The following CFAP74 variants were observed in gnomAD, a reference collection of about 807,000 sequenced individuals.
CFAP74 encodes cilia- and flagella-associated protein 74.
Under a neutral mutation model 188.9 loss-of-function variants are expected in CFAP74, and 124 were observed. The observed-to-expected ratio is 0.66, with a 90% CI of 0.57 to 0.76. The LOEUF is 0.76. Among genes scored for constraint, CFAP74 ranks in the 30% least tolerant of loss-of-function variants. The pLI is 0.00. For missense variants in CFAP74, 2,198 were observed against 2,165.2 expected (o/e 1.02, Z -0.30); for synonymous variants, 956 against 916.7 (o/e 1.04, Z -0.77).
chr1:1,971,123 A>G (rs7367171), intron 9 of CFAP74, among the ~76,000 whole-genome samples: 35,089 of 147,956 alleles, frequency 0.24, 4,524 homozygotes, highest in Non-Finnish European at 0.29. Context: ...ACACATGCTC[A>G]CACGTGCACA....
intron 2 of CFAP74, among the ~76,000 whole-genome samples, chr1:1,989,406 G>A (rs1227913317): frequency 2.6e-5 from 4 of 152,170 alleles, no homozygotes; most frequent in Non-Finnish European, 5.9e-5. Context: ...ACCTGCCTAC[G>A]GCCCCCGAGC....
At position 1,963,248 on chromosome 1, in the gene CFAP74, C is replaced by T. The variant is rs577644487; in HGVS notation, c.1694+501G>A. Among the ~76,000 whole-genome samples the T allele has an allele frequency of 6.6e-4, 101 of 151,966 alleles. 2 individuals carry two copies. The highest frequency in any genetic ancestry group is 6.5e-3 in the Admixed American group (99 of 15,266). On this transcript the variant is annotated intron_variant, in intron 14 of 38. Transcript: ENST00000682832. ...GGTGGACCGCCTGAGGTCAGGAGTT[C>T]GAGACCAGCCTGGGCAACATGGTAA...
At chr1:1,958,380 C>T (rs1654815325) in intron 16 of CFAP74, among the ~76,000 whole-genome samples, 1 of 152,254 alleles carries the variant, frequency 6.6e-6, no homozygotes, top group East Asian at 1.9e-4. Context: ...ATGACGTCCC[C>T]ACTGTCCTCT....
chr1:2,000,247 A>C (rs1658142590), intron 1 of CFAP74, among the ~76,000 whole-genome samples: 1 of 152,266 alleles, frequency 6.6e-6, no homozygotes, highest in Admixed American at 6.5e-5. Context: ...CCATGTAAGG[A>C]ATATCCATGA....
chr1:1,923,279 C>T lies in CFAP74; in HGVS notation c.4522+88G>A, dbSNP rs1018597084. 6 of 1,501,324 alleles carry T rather than the reference C, an allele frequency of 4.0e-6. No individual in the cohort carries two copies. In the African/African-American group the frequency reaches 5.6e-5, roughly 14 times the overall value. The allele number at this position is 1,501,324 out of a possible 1,614,324, so 93.0% of individuals were successfully genotyped here. On this transcript the variant is annotated intron_variant, in intron 36 of 38. Transcript: ENST00000682832. This position sits in a 1 kb window ranked among gnomAD's most constrained non-coding sequence, Gnocchi z 6.3. ...GGGGTAGAAGGCTGGGAATCCCTGC[C>T]CTGCTCCGCTGGGTCTCGGGGCCCC...
chr1:1,990,797 C>A, intron 2 of CFAP74, 93 bp downstream of exon 2: 1 of 914,340 alleles, frequency 1.1e-6, no homozygotes, highest in South Asian at 1.7e-5. Context: ...TACCCTCTCC[C>A]AGAAATAAAG....
chr1:2,001,883 T>TG (rs1658227998), intron 1 of CFAP74, among the ~76,000 whole-genome samples: 1 of 152,184 alleles, frequency 6.6e-6, no homozygotes, highest in Non-Finnish European at 1.5e-5. Flanking sequence ...AATTGGCCCA[T>TG]GACCTTCAGA....
Position 1,954,921 on chromosome 1 carries a change from T to C in CFAP74, c.2176+770A>G, listed in dbSNP as rs1445133275. The C allele has an allele frequency of 4.2e-6, 5 of 1,189,562 alleles. No homozygotes were observed. The African/African-American group carries it at 6.5e-5, about 15-fold the overall frequency. 73.7% of individuals were successfully genotyped at this position (1,189,562 alleles called of 1,614,324 possible). On this transcript the variant is annotated intron_variant, in intron 18 of 38. Transcript: ENST00000682832. ...CAGTGCAGAACGGCCTTCGCAACAG[T>C]GTGTACCACGAACGCTCCCAAGTGT...
intron 24 of CFAP74, 130 bp downstream of exon 24, chr1:1,939,464 G>T: frequency 1.1e-6 from 1 of 888,392 alleles, no homozygotes; most frequent in Non-Finnish European, 1.7e-6. Flanking sequence ...GTGTGGAGGG[G>T]TGCAGCTGAG....
chr1:1,982,365 A>T (rs1656955944), intron 6 of CFAP74, among the ~76,000 whole-genome samples: 2 of 151,786 alleles, frequency 1.3e-5, no homozygotes, highest in Admixed American at 1.3e-4. Context: ...ACACGCGGGG[A>T]CATGCAGGAG....
In CFAP74 at chr1:1,988,561, C is replaced by T. The variant is rs183305704; in HGVS notation, c.247G>A (p.Ala83Thr). 168 of 1,613,418 alleles carry T rather than the reference C, an allele frequency of 1.0e-4. No homozygotes were observed. In the African/African-American group the frequency reaches 1.5e-3, roughly 14 times the overall value. ...TGCTCCTCATGCATCTTATCCAGGG[C>T]GCTCAGGTTCTGCCGCAGGTGAAAT... ...QAFHLRQNLS[A>T]LDKMHEEQEL... The change falls in exon 4 of 39, where the codon GCC (alanine) becomes ACC (threonine). Residue 83 changes from alanine (A) to threonine (T), a missense_variant. Transcript: ENST00000682832.
chr1:1,948,432 T>C (rs1653936734), intron 18 of CFAP74, among the ~76,000 whole-genome samples: 1 of 149,976 alleles, frequency 6.7e-6, no homozygotes, highest in South Asian at 2.1e-4. Flanking sequence ...TATATATTTA[T>C]GTGTATATTG....
chr1:1,951,368 G>T (rs1654192300), intron 18 of CFAP74, among the ~76,000 whole-genome samples: 1 of 152,142 alleles, frequency 6.6e-6, no homozygotes, highest in South Asian at 2.1e-4. Flanking sequence ...ATATCAGGGG[G>T]CTTATGTTTA....
At chr1:2,002,919 T>C (rs910933001) in intron 1 of CFAP74, among the ~76,000 whole-genome samples, 2 of 150,528 alleles carry the variant, frequency 1.3e-5, no homozygotes, top group African/African-American at 4.9e-5. Context: ...TTATATATCA[T>C]CTTTAAAATT....
intron 18 of CFAP74, chr1:1,954,264 C>G (rs1654384692): frequency 6.6e-6 from 1 of 152,260 alleles, no homozygotes; most frequent in Non-Finnish European, 1.5e-5. Context: ...CCTCTGTGAC[C>G]AGGCAGAGCT....
At chr1:1,993,545 C>T (rs2102113689) in intron 1 of CFAP74, among the ~76,000 whole-genome samples, 1 of 151,936 alleles carries the variant, frequency 6.6e-6, no homozygotes, top group South Asian at 2.1e-4. Context: ...CTTGGCCTTC[C>T]CAAGTGTTAG....
At chr1:1,930,552 C>T (rs1206954763) in intron 25 of CFAP74, among the ~76,000 whole-genome samples, 1 of 152,144 alleles carries the variant, frequency 6.6e-6, no homozygotes, top group Non-Finnish European at 1.5e-5. Flanking sequence ...AATTTTAAAC[C>T]GTATTTATTC....
chr1:1,996,078 G>A (rs915719331), intron 1 of CFAP74, among the ~76,000 whole-genome samples: 4 of 151,922 alleles, frequency 2.6e-5, no homozygotes, highest in African/African-American at 4.8e-5. Context: ...TCTGCCTCCC[G>A]GAGTCAAGCA....
intron 6 of CFAP74, among the ~76,000 whole-genome samples, chr1:1,980,686 G>A (rs1024763250): frequency 1.3e-5 from 2 of 152,236 alleles, no homozygotes; most frequent in African/African-American, 4.8e-5. Flanking sequence ...TGCTGGTCCT[G>A]GGAGAGCTGC....
Sources: allele counts gnomAD v4.1 joint callset (sites outside exome capture counted in the v4.1 genomes callset), GRCh38; gene constraint gnomAD v4.1.1; non-coding constraint Gnocchi (gnomAD v3.1); transcripts MANE v1.5; gene names NCBI Gene and HGNC (gene_info 2026-07-23, HGNC 2026-07-21).